OXR1: variants seen among roughly 807,000 people sequenced by gnomAD.
The protein encoded by OXR1 is oxidation resistance protein 1.
OXR1 carries 41 observed loss-of-function variants against 104.6 expected under a neutral mutation model. The observed-to-expected ratio is 0.39, with a 90% CI of 0.31 to 0.51. The LOEUF is 0.51. OXR1 is among the 20% of genes least tolerant of loss of function. The pLI, the probability that OXR1 is intolerant of heterozygous loss-of-function variation, is 0.77. For missense variants in OXR1, 955 were observed against 1,031.9 expected, an observed-to-expected ratio of 0.93 and a Z score of 1.02; for synonymous variants, 348 against 348.4, an observed-to-expected ratio of 1.00 and a Z score of 0.01.
At chr8:106,339,512 AAAAAAAAATATATATAT>A (rs1563725912) in intron 1 of OXR1, among the ~76,000 whole-genome samples, 4 of 41,102 alleles carry the variant, frequency 9.7e-5, no homozygotes, top group Admixed American at 7.0e-4. Flanking sequence ...AAAAAAAAAA[AAAAAAAAATATATATAT>A]ATATATATAT....
chr8:106,674,611 G>A (rs903838482), intron 3 of OXR1, among the ~76,000 whole-genome samples: 1 of 152,076 alleles, frequency 6.6e-6, no homozygotes, highest in Admixed American at 6.6e-5. Context: ...GGGGCCAGGG[G>A]CAGAATGATA....
intron 1 of OXR1, among the ~76,000 whole-genome samples, chr8:106,337,451 C>T (rs1039263791): frequency 3.3e-5 from 5 of 152,130 alleles, no homozygotes; most frequent in African/African-American, 7.2e-5. Flanking sequence ...CCTTGTTTCA[C>T]GAATAGAGAA....
intron 2 of OXR1, among the ~76,000 whole-genome samples, chr8:106,375,737 G>T (rs1816882583): frequency 6.6e-6 from 1 of 152,196 alleles, no homozygotes; most frequent in Non-Finnish European, 1.5e-5. Flanking sequence ...AACAGAGAGT[G>T]TGTATACAAT....
chr8:106,347,994 A>C (rs1815568110), intron 1 of OXR1, among the ~76,000 whole-genome samples: 1 of 152,182 alleles, frequency 6.6e-6, no homozygotes, highest in African/African-American at 2.4e-5. Context: ...TATGAAGGGA[A>C]CTGAATTTTT....
At chr8:106,581,975 G>A (rs1340633892) in intron 3 of OXR1, among the ~76,000 whole-genome samples, 4 of 142,792 alleles carry the variant, frequency 2.8e-5, no homozygotes, top group Non-Finnish European at 6.0e-5. Flanking sequence ...AGTAAACTGA[G>A]GTCGCACCAC....
At chr8:106,356,415 A>G (rs1434382660) in intron 1 of OXR1, among the ~76,000 whole-genome samples, 1 of 152,314 alleles carries the variant, frequency 6.6e-6, no homozygotes, top group South Asian at 2.1e-4. Flanking sequence ...CATTAAGTCT[A>G]TCTTGGTCAA....
At chr8:106,328,048 A>T (rs1026816854) in intron 1 of OXR1, among the ~76,000 whole-genome samples, 2 of 152,144 alleles carry the variant, frequency 1.3e-5, no homozygotes, top group African/African-American at 2.4e-5. Context: ...TATCACTAGG[A>T]TGCTGACTGT....
intron 3 of OXR1, among the ~76,000 whole-genome samples, chr8:106,575,151 A>C (rs1817735806): frequency 6.6e-6 from 1 of 152,194 alleles, no homozygotes; most frequent in Admixed American, 6.5e-5. Flanking sequence ...CTGATGTTAG[A>C]TGCTTAGAGT....
intron 2 of OXR1, among the ~76,000 whole-genome samples, chr8:106,374,337 T>C (rs752327637): frequency 1.4e-4 from 22 of 152,222 alleles, no homozygotes; most frequent in Admixed American, 3.3e-4. Context: ...TTTTAATGAT[T>C]ACATTTTCTT....
intron 2 of OXR1, among the ~76,000 whole-genome samples, chr8:106,508,474 T>A (rs938364873): frequency 9.2e-6 from 1 of 109,270 alleles, no homozygotes; most frequent in African/African-American, 2.6e-5. Flanking sequence ...ACCTAGTGAT[T>A]CTCAAACTGA....
At chr8:106,503,360 G>A (rs1416303480) in intron 2 of OXR1, among the ~76,000 whole-genome samples, 1 of 152,274 alleles carries the variant, frequency 6.6e-6, no homozygotes, top group East Asian at 1.9e-4. Context: ...TCAAAATGAG[G>A]CATGAGCCCA....
chr8:106,710,705 T>G lies in OXR1; in HGVS notation c.1708T>G (p.Phe570Val). 1.9e-6 allele frequency: 3 copies of G among 1,605,052 alleles called. No homozygotes were observed. The highest frequency in any genetic ancestry group is 2.6e-6 in the Non-Finnish European group (3 of 1,175,022). The change falls in exon 10 of 17, where the codon TTT (phenylalanine) becomes GTT (valine). Residue 570 changes from phenylalanine to valine, a missense_variant. Physicochemically the swap from Phe to Val is conservative, Grantham distance 50. This residue lies in a region of OXR1 where 849 missense variants were observed against 852.9 expected (regional missense o/e 1.00). Transcript: ENST00000517566. ...AGTTGGAAAACCAATGAGGAAAACG[T>G]TTGTATCTCAAGCAAGTGCTACAAT... ...LRVGKPMRKT[F>V]VSQASATMQQ...
At chr8:106,605,799 CAA>C (rs949977676) in intron 3 of OXR1, among the ~76,000 whole-genome samples, 3 of 149,996 alleles carry the variant, frequency 2.0e-5, no homozygotes, top group African/African-American at 7.4e-5. Context: ...ACCCTGTCTC[CAA>C]AAAAAGAAAA....
chr8:106,526,698 A>G (rs528830713), intron 3 of OXR1, among the ~76,000 whole-genome samples: 39 of 152,188 alleles, frequency 2.6e-4, no homozygotes, highest in East Asian at 1.2e-3. Context: ...GTCCGCCACC[A>G]CGCCCGGCTA....
chr8:106,655,488 C>A (rs1824973010), intron 3 of OXR1, among the ~76,000 whole-genome samples: 1 of 151,678 alleles, frequency 6.6e-6, no homozygotes, highest in Non-Finnish European at 1.5e-5. Context: ...CATAATTAGA[C>A]TATCAAAAGA....
intron 1 of OXR1, among the ~76,000 whole-genome samples, chr8:106,316,734 A>G (rs961811475): frequency 0.012 from 1,224 of 103,862 alleles, 21 homozygotes; most frequent in African/African-American, 0.041. Context: ...CTATCTATCT[A>G]TCTATCTATC....
In OXR1 at chr8:106,602,652, G is replaced by A. The variant is rs754083872; in HGVS notation, c.221-76558G>A. ...TATTTTACCAAATTAGAAGTTAGGT[G>A]AACTTCATATACATATGTATGTGTA... On this transcript the variant is annotated intron_variant, in intron 3 of 16. Transcript: ENST00000517566. Among the ~76,000 whole-genome samples the A allele has an allele frequency of 1.2e-4, 18 of 152,120 alleles. 1 individual carries two copies. Among genetic ancestry groups the A allele is most frequent in the Non-Finnish European group, 1.8e-4 (12 of 67,996 alleles).
intron 2 of OXR1, among the ~76,000 whole-genome samples, chr8:106,393,453 T>A (rs548176894): frequency 3.0e-4 from 45 of 152,280 alleles, no homozygotes; most frequent in African/African-American, 8.2e-4. Context: ...TGAATAAAAG[T>A]AGAAATCACA....
chr8:106,703,832 T>C (rs539476395), intron 8 of OXR1, among the ~76,000 whole-genome samples: 42 of 152,252 alleles, frequency 2.8e-4, no homozygotes, highest in African/African-American at 8.7e-4. Context: ...GAAATTGATA[T>C]GTACTAGGAA....
Sources: allele counts gnomAD v4.1 joint callset (sites outside exome capture counted in the v4.1 genomes callset), GRCh38; gene constraint gnomAD v4.1.1; regional missense constraint gnomAD v4.1.1; transcripts MANE v1.5; gene names NCBI Gene and HGNC (gene_info 2026-07-23, HGNC 2026-07-21).